KLHL3: variants seen among roughly 807,000 people sequenced by gnomAD.
The protein encoded by KLHL3 is kelch like family member 3.
In KLHL3, 19 loss-of-function variants were observed where a neutral mutation model predicts 70.5. That is an observed-to-expected ratio of 0.27 (90% CI 0.19 to 0.40). KLHL3 has a LOEUF of 0.40. KLHL3 is among the 10% of genes least tolerant of loss of function. The probability of loss-of-function intolerance (pLI) is 1.00; values close to 1 mark genes in which losing one functional copy is unlikely to be tolerated. For synonymous variants in KLHL3, 258 were observed against 290.3 expected, an observed-to-expected ratio of 0.89 and a Z score of 1.13; for missense variants, 512 against 771.1, an observed-to-expected ratio of 0.66 and a Z score of 3.98.
At chr5:137,671,144 C>G (rs1188530534) in intron 6 of KLHL3, among the ~76,000 whole-genome samples, 1 of 152,112 alleles carries the variant, frequency 6.6e-6, no homozygotes, top group Non-Finnish European at 1.5e-5. Flanking sequence ...CCACCATTCT[C>G]CACGGTCCTT....
Position 137,625,785 on chromosome 5 carries a change from G to A in KLHL3, c.1703C>T (p.Pro568Leu), listed in dbSNP as rs1399042078. The A allele has an allele frequency of 6.8e-6, 11 of 1,614,088 alleles. No homozygotes were observed. Among genetic ancestry groups the A allele is most frequent in the Non-Finnish European group, 8.5e-6 (10 of 1,180,012 alleles). ...NPVTDKWTLL[P>L]TNMSTGRSYA... is the part of the protein sequence containing the mutation. Reference sequence around the variant, plus strand: ...GCTCCGCCCCGTGCTCATGTTCGTTGGAAGCAGCGTCCATTTGTCAGTGAC... The same window carrying A: ...GCTCCGCCCCGTGCTCATGTTCGTTAGAAGCAGCGTCCATTTGTCAGTGAC... Residue 568 changes from proline to leucine, a missense_variant, in exon 14 of 15, where the codon CCA becomes CTA. Pro to Leu is a moderately conservative substitution (Grantham distance 98). Coordinates refer to ENST00000309755, the MANE Select transcript of KLHL3 (RefSeq NM_017415.3).
intron 3 of KLHL3, 110 bp from the exon 4 acceptor site, chr5:137,698,518 C>G: frequency 1.6e-6 from 2 of 1,280,796 alleles, no homozygotes; most frequent in Non-Finnish European, 2.2e-6. Context: ...TTCCTGGGCT[C>G]CAGGAGGCAG....
At chr5:137,656,232 C>T (rs59274907) in intron 8 of KLHL3, among the ~76,000 whole-genome samples, 26,082 of 151,530 alleles carry the variant, frequency 0.17, 2,515 homozygotes, top group Non-Finnish European at 0.22. Context: ...GAAATTACTG[C>T]AAAGCCCATC....
chr5:137,692,327 G>A lies in KLHL3; in HGVS notation c.484C>T (p.His162Tyr). 1.2e-6 allele frequency: 2 copies of A among 1,613,388 alleles called. No individual in the cohort carries two copies. Among genetic ancestry groups the A allele is most frequent in the Non-Finnish European group, 1.7e-6 (2 of 1,179,928 alleles). The change falls in exon 5 of 15, where the codon CAC becomes TAC. Residue 162 changes from histidine to tyrosine, a missense_variant. Coordinates refer to ENST00000309755, the MANE Select transcript of KLHL3 (RefSeq NM_017415.3). ...CLGIRAFADV[H>Y]TCTDLLQQAN... is the part of the protein sequence containing the mutation. ...TGCTGCAGAAGGTCAGTGCAGGTGT[G>A]TACATCTGCAAATGCACGGATGCCC...
chr5:137,709,380 C>A (rs1752749668), intron 3 of KLHL3, among the ~76,000 whole-genome samples: 1 of 152,200 alleles, frequency 6.6e-6, no homozygotes, highest in Admixed American at 6.5e-5. Context: ...CAGGTCTCTT[C>A]CCTTGTCTCA....
At chr5:137,689,521 C>A (rs1382612326) in intron 5 of KLHL3, among the ~76,000 whole-genome samples, 3 of 152,194 alleles carry the variant, frequency 2.0e-5, no homozygotes, top group Admixed American at 6.5e-5. Flanking sequence ...ATGTCCTTTG[C>A]AGTAACATGG....
In KLHL3 at chr5:137,735,658, C is replaced by T. The variant is rs1448781245; in HGVS notation, c.-12G>A. ...CTTTCACCCTCCATTGTGTGAGGCC[C>T]AGCCAGGGTGGTAGCTGCTGAACTG... On this transcript the variant is annotated 5_prime_UTR_variant, in exon 1 of 15. Transcript: ENST00000309755. The T allele has an allele frequency of 6.2e-7, 1 of 1,613,978 alleles. No homozygotes were observed.
chr5:137,670,005 A>C (rs901672622), intron 6 of KLHL3, among the ~76,000 whole-genome samples: 1 of 152,118 alleles, frequency 6.6e-6, no homozygotes, highest in African/African-American at 2.4e-5. Flanking sequence ...AACTAAGACT[A>C]GATGAACTCT....
At chr5:137,668,227 C>G (rs771838861) in intron 6 of KLHL3, among the ~76,000 whole-genome samples, 4 of 152,114 alleles carry the variant, frequency 2.6e-5, no homozygotes, top group Non-Finnish European at 4.4e-5. Flanking sequence ...CTGGCCAACA[C>G]AGCGAAACTC....
chr5:137,715,795 A>C (rs1290684344), intron 2 of KLHL3, among the ~76,000 whole-genome samples: 1 of 152,236 alleles, frequency 6.6e-6, no homozygotes, highest in Non-Finnish European at 1.5e-5. Context: ...ACAAATAATC[A>C]TGAATGTGTA....
chr5:137,670,631 C>G (rs1426104821), intron 6 of KLHL3, among the ~76,000 whole-genome samples: 1 of 151,988 alleles, frequency 6.6e-6, no homozygotes, highest in Non-Finnish European at 1.5e-5. Context: ...CAGCCAGTGT[C>G]TCCTAAATGT....
intron 1 of KLHL3, chr5:137,724,984 C>G: frequency 1.1e-6 from 1 of 940,204 alleles, no homozygotes; most frequent in Non-Finnish European, 1.3e-6. Context: ...ACATATGTCT[C>G]AACCTAAGGT....
chr5:137,652,874 G>C (rs535701641), intron 8 of KLHL3, among the ~76,000 whole-genome samples: 52 of 152,230 alleles, frequency 3.4e-4, no homozygotes, highest in African/African-American at 1.3e-3. Context: ...GCTAAATTTA[G>C]CCATTCCACA....
intron 5 of KLHL3, among the ~76,000 whole-genome samples, chr5:137,680,435 A>G (rs556904225): frequency 1.3e-5 from 2 of 152,200 alleles, no homozygotes; most frequent in South Asian, 2.1e-4. Flanking sequence ...ATAATAATAT[A>G]TATTAATTCA....
chr5:137,640,368 A>G (rs1210798008), intron 8 of KLHL3, among the ~76,000 whole-genome samples: 1 of 152,218 alleles, frequency 6.6e-6, no homozygotes, highest in Non-Finnish European at 1.5e-5. Context: ...TATGTTTTAA[A>G]GTATTACTCA....
chr5:137,655,716 G>A (rs1049955500), intron 8 of KLHL3, among the ~76,000 whole-genome samples: 1 of 152,128 alleles, frequency 6.6e-6, no homozygotes, highest in Non-Finnish European at 1.5e-5. Context: ...AGGCACAGTG[G>A]CTCACACCTA....
At chr5:137,688,171 AT>A (rs1236679575) in intron 5 of KLHL3, among the ~76,000 whole-genome samples, 1 of 7,362 alleles carries the variant, frequency 1.4e-4, no homozygotes, top group Non-Finnish European at 2.5e-4. Flanking sequence ...ATAAAAAAAA[AT>A]AAAATAAAAT....
chr5:137,659,618 G>T (rs2149896711), intron 7 of KLHL3, among the ~76,000 whole-genome samples: 1 of 152,242 alleles, frequency 6.6e-6, no homozygotes, highest in Non-Finnish European at 1.5e-5. Flanking sequence ...GAAAAAGCTT[G>T]GAAGGAAGGA....
chr5:137,707,208 T>A (rs1013171793), intron 3 of KLHL3, among the ~76,000 whole-genome samples: 4 of 152,258 alleles, frequency 2.6e-5, no homozygotes, highest in African/African-American at 9.6e-5. Context: ...CCGAAGCAGG[T>A]GGATCACTTG....
Sources: gnomAD v4.1 joint callset for allele counts (sites outside exome capture counted in the v4.1 genomes callset) on GRCh38, gnomAD v4.1.1 for gene constraint, MANE v1.5 for transcripts, NCBI Gene and HGNC (gene_info 2026-07-23, HGNC 2026-07-21) for gene names.